The following RYR2 variants were observed in gnomAD, a reference collection of about 807,000 sequenced individuals.
RYR2 encodes cardiac muscle ryanodine receptor-calcium release channel.
A neutral mutation model predicts 601.1 loss-of-function variants in RYR2; 227 were observed. That is an observed-to-expected ratio of 0.38 (90% CI 0.34 to 0.42). The LOEUF is 0.42. RYR2 is among the 10% of genes least tolerant of loss of function. The probability of loss-of-function intolerance (pLI) is 1.00; values close to 1 mark genes in which losing one functional copy is unlikely to be tolerated. For missense variants in RYR2, 4,646 were observed against 6,156.5 expected (o/e 0.75, Z 8.21); for synonymous variants, 2,223 against 2,175.1 (o/e 1.02, Z -0.61).
intron 1 of RYR2, among the ~76,000 whole-genome samples, chr1:237,213,915 C>CTTTTTTTTTTTTTTTTTTTTTTTTTTT (rs71180008): frequency 1.3e-3 from 85 of 65,448 alleles, no homozygotes; most frequent in East Asian, 2.6e-3. Context: ...TTTTCTTTTT[C>CTTTTTTTTTTTTTTTTTTTTTTTTTTT]TTTTTTTTTT....
rs748626622 is a variant in RYR2, at chr1:237,700,436, T to C, written c.9336T>C (p.Ile3112=). 6.2e-7 allele frequency: 1 copy of C among 1,601,088 alleles called. No individual in the cohort carries two copies. The highest frequency in any genetic ancestry group is 2.2e-5 in the East Asian group (1 of 44,736). The change falls in exon 65 of 105, where the codon ATT becomes ATC. Residue 3112 remains isoleucine, a synonymous_variant. Coordinates refer to ENST00000366574, the MANE Select transcript of RYR2 (RefSeq NM_001035.3). The part of the protein sequence containing the change: ...LPMLSSLFEH[I]GQHQFGEDLI... ...TGCTGTCTTCATTATTTGAACATAT[T>C]GGCCAGCATCAGTTCGGAGAAGACC... is the stretch of plus-strand genomic sequence containing the variant.
rs149704151 is a variant in RYR2, at chr1:237,135,826, C to A, written c.48+93257C>A. On this transcript the variant is annotated intron_variant, in intron 1 of 104. Transcript: ENST00000366574. ...ATACCTCTAGAGAATCTTTCCTATG[C>A]TGAATGCAGCCTTTTGAGTGGACGA... Among the ~76,000 whole-genome samples the A allele has an allele frequency of 3.9e-3, 601 of 152,308 alleles. 4 individuals carry two copies. Among genetic ancestry groups the A allele is most frequent in the African/African-American group, 0.014 (585 of 41,572 alleles).
intron 1 of RYR2, among the ~76,000 whole-genome samples, chr1:237,129,314 T>A (rs983824325): frequency 2.0e-5 from 3 of 152,242 alleles, no homozygotes; most frequent in African/African-American, 7.2e-5. Context: ...CATATTCCTG[T>A]TGAAGGCAAC....
At chr1:237,570,066 A>G (rs2148282851) in intron 29 of RYR2, among the ~76,000 whole-genome samples, 1 of 151,938 alleles carries the variant, frequency 6.6e-6, no homozygotes, top group South Asian at 2.1e-4. Context: ...AAAATACAAA[A>G]AATTAGCTGG....
At chr1:237,755,565 C>T (rs1235536118) in intron 80 of RYR2, among the ~76,000 whole-genome samples, 2 of 152,190 alleles carry the variant, frequency 1.3e-5, no homozygotes, top group African/African-American at 4.8e-5. Flanking sequence ...TCATACCAGT[C>T]TTGAACTTGC....
chr1:237,751,447 A>G (rs576712635), intron 80 of RYR2, among the ~76,000 whole-genome samples: 5 of 152,318 alleles, frequency 3.3e-5, no homozygotes, highest in East Asian at 3.9e-4. Context: ...TTTCAGTGGT[A>G]TAGTGTAAAT....
At chr1:237,566,197 T>G (rs930857511) in intron 27 of RYR2, among the ~76,000 whole-genome samples, 2 of 152,176 alleles carry the variant, frequency 1.3e-5, no homozygotes, top group Non-Finnish European at 2.9e-5. Context: ...TGCAGAGCAG[T>G]TCGGATCTTT....
At chr1:237,600,695 T>G (rs536238693) in intron 34 of RYR2, among the ~76,000 whole-genome samples, 1 of 152,286 alleles carries the variant, frequency 6.6e-6, no homozygotes, top group East Asian at 1.9e-4. Flanking sequence ...ATTTGTAAAC[T>G]ATACATCTGA....
chr1:237,046,629 A>G lies in RYR2; in HGVS notation c.48+4060A>G, dbSNP rs2490347. Among the ~76,000 whole-genome samples the G allele has an allele frequency of 7.8e-3, 1,184 of 152,340 alleles. 5 individuals carry two copies. The highest frequency in any genetic ancestry group is 0.017 in the Middle Eastern group (5 of 294). On this transcript the variant is annotated intron_variant, in intron 1 of 104. Transcript: ENST00000366574. ...CACATTGGCAGGAAGGGCAAGATCT[A>G]AAACGCTTAGGGCACTAATTTATTT... is the stretch of plus-strand genomic sequence containing the variant.
At chr1:237,185,171 TTTA>T (rs922899788) in intron 1 of RYR2, among the ~76,000 whole-genome samples, 3 of 152,012 alleles carry the variant, frequency 2.0e-5, no homozygotes, top group African/African-American at 7.3e-5. Context: ...TGGCTAATTT[TTTA>T]TTTTTTGTAG....
chr1:237,714,404 T>G (rs9662438), intron 71 of RYR2, among the ~76,000 whole-genome samples: 7,761 of 152,202 alleles, frequency 0.051, 625 homozygotes, highest in African/African-American at 0.18. Context: ...AAGTGAGGAT[T>G]TGAATAGGTC....
intron 23 of RYR2, among the ~76,000 whole-genome samples, chr1:237,510,958 A>C (rs916066399): frequency 1.3e-5 from 2 of 152,188 alleles, no homozygotes; most frequent in Non-Finnish European, 2.9e-5. Context: ...TGAGATCAGG[A>C]GGTAACATGC....
At chr1:237,558,526 G>A (rs1314882652) in intron 27 of RYR2, among the ~76,000 whole-genome samples, 1 of 152,140 alleles carries the variant, frequency 6.6e-6, no homozygotes, top group Non-Finnish European at 1.5e-5. Flanking sequence ...CTCTCTTGCT[G>A]TTTTCAGGAT....
chr1:237,782,030 G>C (rs1196439646), intron 89 of RYR2, among the ~76,000 whole-genome samples: 1 of 152,128 alleles, frequency 6.6e-6, no homozygotes, highest in Non-Finnish European at 1.5e-5. Flanking sequence ...AAAGACCACA[G>C]AGTCACTCCT....
At chr1:237,048,735 A>T (rs1375638460) in intron 1 of RYR2, among the ~76,000 whole-genome samples, 3 of 152,144 alleles carry the variant, frequency 2.0e-5, no homozygotes, top group African/African-American at 7.2e-5. Context: ...TCTGACCCTG[A>T]TGCTCTGTGG....
chr1:237,232,240 G>A (rs1302682053), intron 1 of RYR2, among the ~76,000 whole-genome samples: 1 of 152,170 alleles, frequency 6.6e-6, no homozygotes, highest in East Asian at 1.9e-4. Context: ...GGCAGGAAAA[G>A]AGGGTTGAGA....
intron 17 of RYR2, among the ~76,000 whole-genome samples, chr1:237,474,245 A>ATC (rs1661131690): frequency 7.9e-6 from 1 of 126,378 alleles, no homozygotes; most frequent in Non-Finnish European, 1.8e-5. Context: ...ATATGTATAG[A>ATC]TATATACATA....
chr1:237,805,958 A>G (rs534466581), intron 98 of RYR2, among the ~76,000 whole-genome samples, 179 bp from the exon 99 acceptor site: 3 of 152,160 alleles, frequency 2.0e-5, no homozygotes, highest in South Asian at 2.1e-4. Flanking sequence ...TTTCTCCCCA[A>G]TCTCTAGTGT....
At chr1:237,666,612 A>G in intron 57 of RYR2, 23 bp downstream of exon 57, 1 of 1,566,224 alleles carries the variant, frequency 6.4e-7, no homozygotes. Context: ...AACTTTTAAA[A>G]ATAGTCTCCA....
Sources: gnomAD v4.1 joint callset for allele counts (sites outside exome capture counted in the v4.1 genomes callset) on GRCh38, gnomAD v4.1.1 for gene constraint, MANE v1.5 for transcripts, NCBI Gene and HGNC (gene_info 2026-07-23, HGNC 2026-07-21) for gene names.